LIMS2: variants seen among roughly 807,000 people sequenced by gnomAD.
The protein encoded by LIMS2 is LIM and senescent cell antigen-like-containing domain protein 2.
A neutral mutation model predicts 45.3 loss-of-function variants in LIMS2; 30 were observed. That is an observed-to-expected ratio of 0.66 (90% CI 0.50 to 0.90). The LOEUF is 0.90. Ranked by LOEUF, LIMS2 falls within the 40% of genes least tolerant of loss-of-function variation. The pLI is 0.00. For synonymous variants in LIMS2, 173 were observed against 188.0 expected (o/e 0.92, Z 0.65); for missense variants, 485 against 468.7 (o/e 1.03, Z -0.32).
chr2:127,663,582 G>A (rs1684814806), intron 1 of LIMS2, among the ~76,000 whole-genome samples: 2 of 152,092 alleles, frequency 1.3e-5, no homozygotes, highest in South Asian at 4.2e-4. Flanking sequence ...GGGTCCTCCA[G>A]GCCCTCCCCT....
chr2:127,674,885 G>T, intron 1 of LIMS2, 129 bp downstream of exon 1: 1 of 1,215,244 alleles, frequency 8.2e-7, no homozygotes, highest in South Asian at 4.2e-5. Context: ...CGGCAGCTGC[G>T]AGAATCCGAC....
At chr2:127,659,670 C>G (rs1438250962) in intron 1 of LIMS2, among the ~76,000 whole-genome samples, 1 of 152,248 alleles carries the variant, frequency 6.6e-6, no homozygotes, top group Non-Finnish European at 1.5e-5. Flanking sequence ...TGGCTCTGGG[C>G]CTGGAATTCC....
Position 127,642,194 on chromosome 2 carries a change from T to G in LIMS2, c.515A>C (p.Glu172Ala). The change falls in exon 6 of 10, where the codon GAG becomes GCG. Residue 172 changes from glutamate to alanine, a missense_variant. Glu to Ala is a moderately radical substitution (Grantham distance 107). Transcript: ENST00000355119. The surrounding 1 kb of genome is among the most constrained non-coding windows in gnomAD (Gnocchi z 5.3). The stretch of plus-strand genomic sequence containing the variant: ...CAGCTCGCGGGCCTCGGCTGTCAGC[T>G]CCTTCCTGGAAGACAGCGTGCAGCC... ...DHFNCTHCGK[E>A]LTAEARELKG... 6.4e-7 allele frequency: 1 copy of G among 1,553,990 alleles called. No individual in the cohort carries two copies. The highest frequency in any genetic ancestry group is 8.7e-7 in the Non-Finnish European group (1 of 1,144,486).
At chr2:127,660,307 C>T (rs933614181) in intron 1 of LIMS2, among the ~76,000 whole-genome samples, 1 of 152,218 alleles carries the variant, frequency 6.6e-6, no homozygotes, top group Non-Finnish European at 1.5e-5. Context: ...GAACCCACAG[C>T]AGCAACCAGT....
Position 127,642,726 on chromosome 2 carries a change from G to C in LIMS2, c.509+197C>G. Reference sequence around the variant, plus strand: ...CCCCCCAAACAGAGCCCTGGAGAGAGAAGCTTCCTGCCATGGCTGCTTCCC... The same window carrying C: ...CCCCCCAAACAGAGCCCTGGAGAGACAAGCTTCCTGCCATGGCTGCTTCCC... On this transcript the variant is annotated intron_variant, in intron 5 of 9. Transcript: ENST00000355119. The surrounding 1 kb of genome is among the most constrained non-coding windows in gnomAD (Gnocchi z 5.3). 1.6e-6 allele frequency: 1 copy of C among 625,170 alleles called. No individual in the cohort carries two copies. The allele number at this position is 625,170 out of a possible 1,614,324, so 38.7% of individuals were successfully genotyped here. A position where few individuals can be genotyped will look rare whatever the true frequency, so the allele number is the denominator to read the frequency against.
At chr2:127,649,183 G>GGAAA (rs1683417600) in intron 4 of LIMS2, among the ~76,000 whole-genome samples, 3 of 63,200 alleles carry the variant, frequency 4.7e-5, no homozygotes, top group Non-Finnish European at 1.1e-4. Context: ...AAGGAAGGAA[G>GGAAA]GAAGGAAGGA....
intron 4 of LIMS2, chr2:127,644,206 C>T (rs981569925): frequency 4.7e-6 from 2 of 430,086 alleles, no homozygotes; most frequent in African/African-American, 2.0e-5. Flanking sequence ...TGCCGACTGG[C>T]TCTCTGTGCC....
At chr2:127,644,278 C>T (rs984740172) in intron 4 of LIMS2, among the ~76,000 whole-genome samples, 4 of 152,166 alleles carry the variant, frequency 2.6e-5, no homozygotes, top group African/African-American at 4.8e-5. Context: ...CCGAATGCCT[C>T]GGTGAATGAA....
intron 4 of LIMS2, chr2:127,650,552 G>A (rs1259782106): frequency 6.6e-5 from 40 of 603,082 alleles, no homozygotes; most frequent in South Asian, 6.2e-4. Context: ...TGACGCTCAC[G>A]CACACCAAAT....
chr2:127,641,097 G>A, intron 6 of LIMS2, 109 bp from the exon 7 acceptor site: 1 of 795,576 alleles, frequency 1.3e-6, no homozygotes, highest in South Asian at 1.5e-5. Flanking sequence ...GACTCCAGGG[G>A]ACCACAGTGG....
At chr2:127,645,637 TTC>T (rs1682888548) in intron 4 of LIMS2, among the ~76,000 whole-genome samples, 1 of 152,362 alleles carries the variant, frequency 6.6e-6, no homozygotes, top group South Asian at 2.1e-4. Flanking sequence ...CCATGATTTA[TTC>T]TGTGTGCCCA....
At position 127,671,720 on chromosome 2, in the gene LIMS2, C is replaced by T. The variant is rs1250332074; in HGVS notation, c.11+3294G>A. ...ATGCCACTGGCCGGCTAGAAGGGGC[C>T]AGTCAGCACCAGAAGTAGAAGAAAA... is the stretch of plus-strand genomic sequence containing the variant. On this transcript the variant is annotated intron_variant, in intron 1 of 9. Transcript: ENST00000355119. The surrounding 1 kb of genome is among the most constrained non-coding windows in gnomAD (Gnocchi z 4.1). 2.0e-5 allele frequency among the ~76,000 whole-genome samples: 3 copies of T among 152,338 alleles called. No homozygotes were observed. The highest frequency in any genetic ancestry group is 3.4e-3 in the Middle Eastern group (1 of 294).
In LIMS2 at chr2:127,654,823, G is replaced by A; in HGVS notation, c.238+7C>T. On this transcript the variant is annotated splice_region_variant and intron_variant, in intron 3 of 9. Coordinates refer to ENST00000355119, the MANE Select transcript of LIMS2 (RefSeq NM_001161403.3). ...CAGCCCAGGATGTGTACTGTCACCGGCCTTACCGCAGGATCCACAGCACGG... is the reference window on the plus strand; with the variant it reads ...CAGCCCAGGATGTGTACTGTCACCGACCTTACCGCAGGATCCACAGCACGG... 2 of 1,614,008 alleles carry A rather than the reference G, an allele frequency of 1.2e-6. No homozygotes were observed. Among genetic ancestry groups the A allele is most frequent in the Non-Finnish European group, 1.7e-6 (2 of 1,179,916 alleles).
intron 9 of LIMS2, among the ~76,000 whole-genome samples, chr2:127,639,782 C>T (rs1163395308): frequency 6.6e-6 from 1 of 152,196 alleles, no homozygotes; most frequent in Non-Finnish European, 1.5e-5. Context: ...TATGCTGTTC[C>T]CTGAGCTGGA....
chr2:127,641,031 C>A (rs185624919), intron 6 of LIMS2, 43 bp from the exon 7 acceptor site: 1 of 1,544,208 alleles, frequency 6.5e-7, no homozygotes, highest in South Asian at 1.1e-5. Flanking sequence ...AGGGCTAGAG[C>A]GGTGACCCCG....
chr2:127,674,422 C>T (rs1685414166), intron 1 of LIMS2: 1 of 163,078 alleles, frequency 6.1e-6, no homozygotes, highest in Non-Finnish European at 1.3e-5. Flanking sequence ...GTGACCTCAT[C>T]TGTGAAATGG....
chr2:127,641,262 T>G, intron 6 of LIMS2: 1 of 362,686 alleles, frequency 2.8e-6, no homozygotes, highest in Non-Finnish European at 5.2e-6. Context: ...GATGGTAACC[T>G]TGTGAGTCAC....
At position 127,643,175 on chromosome 2, in the gene LIMS2, G is replaced by A; in HGVS notation, c.360-103C>T. The stretch of plus-strand genomic sequence containing the variant: ...ACCCCTGCAACTTCACTGAGCAGCT[G>A]GGGGCTTCAAAGGGGCTCAGCCCAG... On this transcript the variant is annotated intron_variant, in intron 4 of 9. Coordinates refer to ENST00000355119, the MANE Select transcript of LIMS2 (RefSeq NM_001161403.3). The A allele has an allele frequency of 2.3e-6, 3 of 1,319,156 alleles. No homozygotes were observed. The South Asian group carries it at 4.3e-5, about 19-fold the overall frequency. 81.7% of individuals were successfully genotyped at this position (1,319,156 alleles called of 1,614,324 possible).
chr2:127,654,606 C>T (rs1367448725), intron 3 of LIMS2, 62 bp from the exon 4 acceptor site: 29 of 1,608,496 alleles, frequency 1.8e-5, no homozygotes, highest in Admixed American at 6.7e-5. Context: ...TCGGACCCTC[C>T]CAAGCCCTGT....
Sources: allele counts gnomAD v4.1 joint callset (sites outside exome capture counted in the v4.1 genomes callset), GRCh38; gene constraint gnomAD v4.1.1; non-coding constraint Gnocchi (gnomAD v3.1); transcripts MANE v1.5; gene names NCBI Gene and HGNC (gene_info 2026-07-23, HGNC 2026-07-21).